Variants in SUCLG2 observed in about 807,000 individuals in gnomAD.
SUCLG2 encodes succinate-CoA ligase GDP-forming subunit beta.
In SUCLG2, 42 loss-of-function variants were observed where a neutral mutation model predicts 47.9. That is an observed-to-expected ratio of 0.88 (90% CI 0.69 to 1.14). SUCLG2 has a LOEUF of 1.14. SUCLG2 is among the 50% of genes most tolerant of loss of function. The probability of loss-of-function intolerance (pLI) is 0.00; values close to 1 mark genes in which losing one functional copy is unlikely to be tolerated. For missense variants in SUCLG2, 571 were observed against 525.9 expected (o/e 1.09, Z -0.84); for synonymous variants, 195 against 197.3 (o/e 0.99, Z 0.10).
At chr3:67,470,181 A>T (rs1486948738) in intron 9 of SUCLG2, among the ~76,000 whole-genome samples, 1 of 152,236 alleles carries the variant, frequency 6.6e-6, no homozygotes, top group Non-Finnish European at 1.5e-5. Flanking sequence ...AACTAACTTT[A>T]ATAAACTAAA....
chr3:67,573,161 G>A (rs185271224), intron 2 of SUCLG2, among the ~76,000 whole-genome samples: 1 of 152,150 alleles, frequency 6.6e-6, no homozygotes, highest in East Asian at 1.9e-4. Flanking sequence ...CTGAAATAAA[G>A]ATCTAAATAA....
chr3:67,465,634 TCTTC>T (rs1704451427), intron 9 of SUCLG2, among the ~76,000 whole-genome samples: 1 of 152,184 alleles, frequency 6.6e-6, no homozygotes, highest in Non-Finnish European at 1.5e-5. Flanking sequence ...GGGCATCCAA[TCTTC>T]CTTCCCTCTC....
rs892156128 is a variant in SUCLG2 at position 67,552,189 on chromosome 3, A to G, written c.227-23003T>C. 3.8e-3 allele frequency among the ~76,000 whole-genome samples: 569 copies of G among 151,150 alleles called. 3 individuals are homozygous for G. The highest frequency in any genetic ancestry group is 0.012 in the African/African-American group (510 of 41,166). The stretch of plus-strand genomic sequence containing the variant: ...CTCCATCTCAAAAAAAAAAAAAAAA[A>G]AAAGAAAAAAGAAAAAATGGGGAAA... On this transcript the variant is annotated intron_variant, in intron 2 of 10. Coordinates refer to ENST00000307227, the MANE Select transcript of SUCLG2 (RefSeq NM_003848.4).
chr3:67,618,016 A>G (rs938030971), intron 1 of SUCLG2, among the ~76,000 whole-genome samples: 1 of 152,208 alleles, frequency 6.6e-6, no homozygotes, highest in Non-Finnish European at 1.5e-5. Flanking sequence ...GATATTTTTA[A>G]ACTCTAATCA....
intron 1 of SUCLG2, among the ~76,000 whole-genome samples, chr3:67,616,087 C>T (rs1700623254): frequency 6.6e-6 from 1 of 151,762 alleles, no homozygotes; most frequent in Admixed American, 6.6e-5. Flanking sequence ...CCTCCAGAGC[C>T]CTATTTGTTG....
chr3:67,537,079 A>T (rs1706564137), intron 2 of SUCLG2, among the ~76,000 whole-genome samples: 1 of 152,206 alleles, frequency 6.6e-6, no homozygotes, highest in Admixed American at 6.5e-5. Context: ...GTTCTGGGAT[A>T]TATATGCAGA....
chr3:67,615,903 C>A (rs1000636874), intron 1 of SUCLG2, among the ~76,000 whole-genome samples: 1 of 152,026 alleles, frequency 6.6e-6, no homozygotes, highest in Non-Finnish European at 1.5e-5. Context: ...TGGAAATGAT[C>A]CAAATGCCCA....
intron 1 of SUCLG2, among the ~76,000 whole-genome samples, chr3:67,649,460 T>G (rs1254405151): frequency 6.6e-6 from 1 of 152,240 alleles, no homozygotes; most frequent in Non-Finnish European, 1.5e-5. Flanking sequence ...GGGTTAATTT[T>G]ATTCCCTGCT....
chr3:67,408,350 AT>A (rs1488405623), intron 9 of SUCLG2, among the ~76,000 whole-genome samples: 4 of 152,192 alleles, frequency 2.6e-5, no homozygotes, highest in Admixed American at 2.0e-4. Context: ...AAAAGAAATA[AT>A]TTTAGTGAGT....
intron 9 of SUCLG2, among the ~76,000 whole-genome samples, chr3:67,474,234 T>A (rs1447822761): frequency 1.3e-5 from 2 of 151,500 alleles, no homozygotes; most frequent in African/African-American, 4.9e-5. Context: ...CACTCCAGAC[T>A]GGGTGACAGA....
chr3:67,417,973 C>T (rs1307260220), intron 9 of SUCLG2, among the ~76,000 whole-genome samples: 1 of 152,078 alleles, frequency 6.6e-6, no homozygotes, highest in East Asian at 1.9e-4. Context: ...GTTCTGGTTC[C>T]TGAGGCCAAA....
intron 2 of SUCLG2, among the ~76,000 whole-genome samples, chr3:67,608,724 C>A (rs1700470851): frequency 6.6e-6 from 1 of 151,094 alleles, no homozygotes; most frequent in South Asian, 2.1e-4. Context: ...GGCGCCCAGG[C>A]TAGAGTATGT....
At chr3:67,609,674 T>C in intron 1 of SUCLG2, 78 bp from the exon 2 acceptor site, 1 of 1,407,708 alleles carries the variant, frequency 7.1e-7, no homozygotes, top group Non-Finnish European at 9.6e-7. Flanking sequence ...TGGCCAGTCT[T>C]AGAGGTACTG....
In SUCLG2 at chr3:67,648,322, T is replaced by C. The variant is rs117835799; in HGVS notation, c.84+6181A>G. On this transcript the variant is annotated intron_variant, in intron 1 of 10. Coordinates refer to ENST00000307227, the MANE Select transcript of SUCLG2 (RefSeq NM_003848.4). Reference sequence around the variant, plus strand: ...AGAGAGAGAGGAAGGTGGATAAGAGTCCAGAAAGGGCAACCATGCCAAGTT... The same window carrying C: ...AGAGAGAGAGGAAGGTGGATAAGAGCCCAGAAAGGGCAACCATGCCAAGTT... 1.0e-3 allele frequency among the ~76,000 whole-genome samples: 157 copies of C among 152,046 alleles called. 4 individuals are homozygous for C. The East Asian group carries it at 0.025, about 24-fold the overall frequency.
intron 4 of SUCLG2, among the ~76,000 whole-genome samples, chr3:67,527,375 T>A (rs890678982): frequency 2.0e-5 from 3 of 152,222 alleles, no homozygotes; most frequent in Non-Finnish European, 4.4e-5. Context: ...AGGGATTTAA[T>A]GTTTAGCTAT....
intron 1 of SUCLG2, among the ~76,000 whole-genome samples, chr3:67,626,718 T>A (rs1318396033): frequency 6.6e-6 from 1 of 151,936 alleles, no homozygotes; most frequent in Non-Finnish European, 1.5e-5. Flanking sequence ...ATCGAGGCCA[T>A]CCTGGCTAAC....
chr3:67,539,650 G>A (rs1312732317), intron 2 of SUCLG2, among the ~76,000 whole-genome samples: 1 of 152,154 alleles, frequency 6.6e-6, no homozygotes, highest in Admixed American at 6.5e-5. Flanking sequence ...GCTCCTCTTT[G>A]TACCTACGGC....
At chr3:67,538,523 G>T (rs1306647255) in intron 2 of SUCLG2, among the ~76,000 whole-genome samples, 1 of 152,142 alleles carries the variant, frequency 6.6e-6, no homozygotes, top group East Asian at 1.9e-4. Context: ...TTTTGCTTAG[G>T]ATTGTCTTTG....
chr3:67,380,883 C>A (rs1173674514), intron 10 of SUCLG2, among the ~76,000 whole-genome samples: 3 of 152,172 alleles, frequency 2.0e-5, no homozygotes, highest in Non-Finnish European at 4.4e-5. Flanking sequence ...CATCTCTTTG[C>A]AGCATTCAAC....
Sources: allele counts gnomAD v4.1 joint callset (sites outside exome capture counted in the v4.1 genomes callset), GRCh38; gene constraint gnomAD v4.1.1; transcripts MANE v1.5; gene names NCBI Gene and HGNC (gene_info 2026-07-23, HGNC 2026-07-21).